The following NSUN6 variants were observed in gnomAD, a reference collection of about 807,000 sequenced individuals.
NSUN6 encodes the protein NOP2/Sun RNA methyltransferase 6.
A neutral mutation model predicts 58.0 loss-of-function variants in NSUN6; 64 were observed. The ratio of observed to expected loss-of-function variants is 1.10; its 90% CI spans 0.90 to 1.36. The LOEUF (loss-of-function observed/expected upper bound fraction) is 1.36, where lower values mean the gene tolerates loss of function less well. Ranked by LOEUF, NSUN6 falls within the 40% of genes most tolerant of loss-of-function variation. NSUN6 has a pLI of 0.00. For missense variants in NSUN6, 701 were observed against 550.1 expected, an observed-to-expected ratio of 1.27 and a Z score of -2.74; for synonymous variants, 231 against 193.9, an observed-to-expected ratio of 1.19 and a Z score of -1.59.
intron 8 of NSUN6, among the ~76,000 whole-genome samples, chr10:18,558,478 A>C (rs920773193): frequency 2.0e-5 from 3 of 150,926 alleles, no homozygotes; most frequent in Non-Finnish European, 4.4e-5. Flanking sequence ...GGAATGGAAA[A>C]AGGAATAGAA....
intron 10 of NSUN6, 120 bp downstream of exon 10, chr10:18,547,992 G>A: frequency 1.0e-6 from 1 of 953,654 alleles, no homozygotes; most frequent in South Asian, 1.7e-5. Context: ...AAGCATTCTT[G>A]TTTATTACAG....
intron 8 of NSUN6, among the ~76,000 whole-genome samples, chr10:18,570,437 C>T (rs2130966313): frequency 6.7e-6 from 1 of 149,306 alleles, no homozygotes; most frequent in African/African-American, 2.5e-5. Flanking sequence ...TTCTCCATTC[C>T]ATTCCATTCT....
intron 3 of NSUN6, among the ~76,000 whole-genome samples, chr10:18,625,467 C>T (rs1237491725): frequency 6.6e-6 from 1 of 152,002 alleles, no homozygotes; most frequent in Non-Finnish European, 1.5e-5. Flanking sequence ...AATCCCAGCA[C>T]TTTGGAAGGC....
chr10:18,643,071 C>A (rs867818563), intron 2 of NSUN6, among the ~76,000 whole-genome samples: 2 of 151,684 alleles, frequency 1.3e-5, no homozygotes, highest in Non-Finnish European at 1.5e-5. Context: ...GGTACAGGTG[C>A]GGGAGCCAGC....
upstream of NSUN6, chr10:18,659,117 G>A (rs183774499): frequency 4.6e-3 from 707 of 154,258 alleles, 2 homozygotes; most frequent in Middle Eastern, 0.02. Flanking sequence ...AATCAAAGGG[G>A]AGTCCCACAA....
chr10:18,597,879 A>T (rs546161195), intron 6 of NSUN6, among the ~76,000 whole-genome samples: 1 of 152,238 alleles, frequency 6.6e-6, no homozygotes, highest in Non-Finnish European at 1.5e-5. Flanking sequence ...GTGGTGAGAA[A>T]GCAGTTTCAA....
intron 1 of NSUN6, among the ~76,000 whole-genome samples, chr10:18,649,959 G>T (rs2059656252): frequency 6.6e-6 from 1 of 152,102 alleles, no homozygotes; most frequent in African/African-American, 2.4e-5. Context: ...AAAAGGCATG[G>T]CTTCAATAAC....
At chr10:18,587,655 T>C (rs950298889) in intron 7 of NSUN6, among the ~76,000 whole-genome samples, 10 of 151,996 alleles carry the variant, frequency 6.6e-5, no homozygotes, top group Non-Finnish European at 1.2e-4. Flanking sequence ...AGAAATAGGA[T>C]GGGGCGTCAC....
chr10:18,547,682 T>C (rs1399768851), intron 10 of NSUN6, among the ~76,000 whole-genome samples: 1 of 152,216 alleles, frequency 6.6e-6, no homozygotes, highest in Admixed American at 6.5e-5. Context: ...GAAATACTTT[T>C]TTCCCTTTCA....
intron 8 of NSUN6, among the ~76,000 whole-genome samples, chr10:18,570,507 TTCCATTCCATTC>T (rs982224224): frequency 2.0e-5 from 3 of 150,668 alleles, no homozygotes; most frequent in African/African-American, 2.4e-5. Flanking sequence ...CCATCCTCCT[TTCCATTCCATTC>T]TCCATTCCAT....
At chr10:18,652,344 CAT>C (rs2059724050), upstream of NSUN6, 31 of 983,214 alleles carry the variant, frequency 3.2e-5, no homozygotes, top group Non-Finnish European at 3.5e-5. Flanking sequence ...ATCACCTTGA[CAT>C]ATGTTTTTTG....
chr10:18,569,901 T>A (rs894993633), intron 8 of NSUN6, among the ~76,000 whole-genome samples: 2 of 150,794 alleles, frequency 1.3e-5, no homozygotes, highest in African/African-American at 4.9e-5. Flanking sequence ...TCCCTTCTAT[T>A]TCCTTCCATT....
At chr10:18,652,497 GAA>G, upstream of NSUN6, 1 of 981,628 alleles carries the variant, frequency 1.0e-6, no homozygotes, top group South Asian at 4.7e-5. Context: ...CTCTTTACCA[GAA>G]AGAGTAGAAA....
intron 3 of NSUN6, among the ~76,000 whole-genome samples, chr10:18,618,058 T>C (rs990912165): frequency 1.3e-5 from 2 of 152,202 alleles, no homozygotes; most frequent in African/African-American, 2.4e-5. Flanking sequence ...CATCTTAAAG[T>C]CCTCCTAAGC....
intron 8 of NSUN6, among the ~76,000 whole-genome samples, chr10:18,566,433 C>T (rs545139293): frequency 6.7e-6 from 1 of 149,780 alleles, no homozygotes; most frequent in Non-Finnish European, 1.5e-5. Flanking sequence ...CAATCCATTC[C>T]GTTCAGCAAT....
At chr10:18,612,272 TA>T (rs1316377783) in intron 5 of NSUN6, among the ~76,000 whole-genome samples, 2 of 152,116 alleles carry the variant, frequency 1.3e-5, no homozygotes, top group East Asian at 1.9e-4. Flanking sequence ...AAAATTAAAA[TA>T]TCAGCTGATC....
chr10:18,572,448 T>G (rs2056421865), intron 8 of NSUN6, among the ~76,000 whole-genome samples: 1 of 150,838 alleles, frequency 6.6e-6, no homozygotes, highest in Non-Finnish European at 1.5e-5. Flanking sequence ...GTCCATTCCA[T>G]TCCCCATTCT....
chr10:18,557,581 G>A (rs2055136538), intron 8 of NSUN6, among the ~76,000 whole-genome samples: 1 of 151,008 alleles, frequency 6.6e-6, no homozygotes, highest in African/African-American at 2.4e-5. Flanking sequence ...TGGAATGAAT[G>A]GAATGGAGAA....
At chr10:18,560,552 C>T (rs1053822978) in intron 8 of NSUN6, among the ~76,000 whole-genome samples, 1 of 140,494 alleles carries the variant, frequency 7.1e-6, no homozygotes, top group Admixed American at 7.1e-5. Context: ...GAATGGAATG[C>T]AGTGGTGAAT....
Sources: gnomAD v4.1 joint callset for allele counts (sites outside exome capture counted in the v4.1 genomes callset) on GRCh38, gnomAD v4.1.1 for gene constraint, MANE v1.5 for transcripts, NCBI Gene and HGNC (gene_info 2026-07-23, HGNC 2026-07-21) for gene names.